Variants in SERPINA12 observed in about 807,000 individuals in gnomAD.
SERPINA12 encodes the protein serpin family A member 12.
In SERPINA12, 21 loss-of-function variants were observed where a neutral mutation model predicts 25.9. That is an observed-to-expected ratio of 0.81 (90% CI 0.58 to 1.17). The LOEUF (loss-of-function observed/expected upper bound fraction) is 1.17. Ranked by LOEUF, SERPINA12 falls within the 50% of genes most tolerant of loss-of-function variation. The pLI is 0.00. For missense variants in SERPINA12, 562 were observed against 508.3 expected (o/e 1.11, Z -1.02); for synonymous variants, 220 against 196.0 (o/e 1.12, Z -1.02).
chr14:94,496,342 A>G (rs1197731535), intron 3 of SERPINA12, 31 bp downstream of exon 3: 2 of 1,613,220 alleles, frequency 1.2e-6, no homozygotes, highest in Middle Eastern at 1.7e-4. Flanking sequence ...AAGAGAAGGA[A>G]AAAGCTGCGA....
intron 3 of SERPINA12, among the ~76,000 whole-genome samples, chr14:94,492,609 G>A (rs1250273378): frequency 6.6e-6 from 1 of 152,220 alleles, no homozygotes; most frequent in African/African-American, 2.4e-5. Context: ...AGTGAGGAGA[G>A]GATTTCTAGG....
In SERPINA12 at chr14:94,487,354, T is replaced by C; in HGVS notation, c.1194A>G (p.Lys398=). The C allele has an allele frequency of 6.2e-7, 1 of 1,614,136 alleles. No homozygotes were observed. The highest frequency in any genetic ancestry group is 8.5e-7 in the Non-Finnish European group (1 of 1,180,004). Residue 398 remains lysine, a synonymous_variant, in exon 5 of 5, where the codon AAA becomes AAG. Coordinates refer to ENST00000677451, the MANE Select transcript of SERPINA12 (RefSeq NM_001382267.1). ...TTCCCAGGAAGAGCACGGAAGGTAT[T>C]TTCTCGCTGTAAATCAGCAGCAGAT... The part of the protein sequence containing the change: ...KPYLLLIYSE[K]IPSVLFLGKI...
At chr14:94,515,487 G>T (rs1260206615) in intron 2 of SERPINA12, among the ~76,000 whole-genome samples, 1 of 152,166 alleles carries the variant, frequency 6.6e-6, no homozygotes, top group East Asian at 1.9e-4. Flanking sequence ...CCGTGGACGG[G>T]GAGGCCTGCC....
chr14:94,487,524 T>C (rs572100806), intron 4 of SERPINA12, 30 bp from the exon 5 acceptor site: 1 of 1,571,278 alleles, frequency 6.4e-7, no homozygotes, highest in South Asian at 1.2e-5. Context: ...AGTCAAGGTC[T>C]GCCAAGCTCC....
intron 1 of SERPINA12, among the ~76,000 whole-genome samples, chr14:94,508,647 T>C (rs1056184605): frequency 2.4e-4 from 36 of 152,234 alleles, no homozygotes; most frequent in Non-Finnish European, 1.5e-4. Context: ...ATATACCATC[T>C]TTTTGCAACG....
chr14:94,500,881 AT>A (rs1595695172), intron 1 of SERPINA12: 2 of 985,280 alleles, frequency 2.0e-6, no homozygotes, highest in Non-Finnish European at 2.4e-6. Flanking sequence ...GCAGATACAT[AT>A]TTTTTAAAAC....
intron 1 of SERPINA12, among the ~76,000 whole-genome samples, chr14:94,502,932 C>G: frequency 6.6e-6 from 1 of 152,196 alleles, no homozygotes; most frequent in East Asian, 1.9e-4. Flanking sequence ...TTCCTCAGAA[C>G]CTTTTCTGAG....
At chr14:94,506,048 C>T (rs544379557) in intron 1 of SERPINA12, among the ~76,000 whole-genome samples, 62 of 152,342 alleles carry the variant, frequency 4.1e-4, no homozygotes, top group African/African-American at 1.4e-3. Context: ...AGACTTGAGG[C>T]TGCCCCGACT....
At position 94,498,296 on chromosome 14, in the gene SERPINA12, G is replaced by T. The variant is rs201642706; in HGVS notation, c.102C>A (p.Ser34Arg). Residue 34 changes from serine to arginine, a missense_variant, in exon 2 of 5, where the codon AGC becomes AGA. Physicochemically the swap from Ser to Arg is moderately radical, Grantham distance 110. Transcript: ENST00000677451. ...SFSPRNYKAL[S>R]EVQGWKQRMA... ...TCCTTTGCTTCCATCCTTGGACCTC[G>T]CTCAAAGCTTTATAATTCCTTGGTG... The T allele has an allele frequency of 6.2e-7, 1 of 1,614,132 alleles. No homozygotes were observed. Among genetic ancestry groups the T allele is most frequent in the Non-Finnish European group, 8.5e-7 (1 of 1,180,026 alleles).
intron 3 of SERPINA12, among the ~76,000 whole-genome samples, chr14:94,492,854 A>C (rs1900235420): frequency 6.6e-6 from 1 of 152,224 alleles, no homozygotes; most frequent in Non-Finnish European, 1.5e-5. Context: ...CTAAAGGTGG[A>C]CCCTGGGAAA....
intron 4 of SERPINA12, 119 bp downstream of exon 4, chr14:94,489,500 GC>G (rs2139844255): frequency 8.5e-7 from 1 of 1,174,492 alleles, no homozygotes; most frequent in Non-Finnish European, 1.2e-6. Context: ...CTGCATTCAT[GC>G]CCGCCCCGAC....
intron 4 of SERPINA12, 127 bp from the exon 5 acceptor site, chr14:94,487,621 T>A: frequency 1.5e-6 from 1 of 662,946 alleles, no homozygotes; most frequent in Non-Finnish European, 2.5e-6. Flanking sequence ...AGTAACTTGG[T>A]TTACTCCAGG....
At position 94,498,391 on chromosome 14, in the gene SERPINA12, G is replaced by C. The variant is rs1167307298; in HGVS notation, c.7C>G (p.Pro3Ala). The C allele has an allele frequency of 2.7e-5, 44 of 1,612,414 alleles. No individual in the cohort carries two copies. The highest frequency in any genetic ancestry group is 3.7e-5 in the Non-Finnish European group (44 of 1,179,288). ...AGAAAAATGGCCAGGCCTAGTGTGG[G>C]GTTCATTTTCCTTGAAGAATATCCT... The part of the protein sequence containing the change: MN[P>A]TLGLAIFLAV... Residue 3 changes from proline (P) to alanine (A), a missense_variant, in exon 2 of 5, where the codon CCC becomes GCC. Transcript: ENST00000677451.
chr14:94,502,837 A>G lies in SERPINA12; in HGVS notation c.-33-4407T>C, dbSNP rs1274833660. 2.0e-5 allele frequency among the ~76,000 whole-genome samples: 3 copies of G among 152,278 alleles called. No homozygotes were observed. In the East Asian group the frequency reaches 5.8e-4, roughly 29 times the overall value. On this transcript the variant is annotated intron_variant, in intron 1 of 4. Transcript: ENST00000677451. ...TCCTCATCGGGGAGATGCTTCCTAC[A>G]CTTGGCTGCATGCACCAGACACCCC...
intron 2 of SERPINA12, among the ~76,000 whole-genome samples, 155 bp from the exon 3 acceptor site, chr14:94,496,798 A>G (rs561783906): frequency 1.3e-5 from 2 of 152,206 alleles, no homozygotes; most frequent in South Asian, 4.2e-4. Context: ...TGTCCTGGAG[A>G]TTTCTGATGA....
upstream of SERPINA12, chr14:94,510,323 A>G (rs766011926): frequency 3.2e-6 from 3 of 933,644 alleles, no homozygotes; most frequent in Non-Finnish European, 3.8e-6. Flanking sequence ...GAGCAGAACA[A>G]CAGAGGATAT....
intron 1 of SERPINA12, 78 bp from the exon 2 acceptor site, chr14:94,498,508 A>C: frequency 8.5e-7 from 1 of 1,175,670 alleles, no homozygotes. Flanking sequence ...TGAAAGAAGA[A>C]ATACAGTGAC....
At chr14:94,513,618 T>C (rs1484719625), upstream of SERPINA12, among the ~76,000 whole-genome samples, 1 of 152,196 alleles carries the variant, frequency 6.6e-6, no homozygotes, top group African/African-American at 2.4e-5. Context: ...AGGTGTGGTG[T>C]AAACCATAAC....
chr14:94,516,409 G>A (rs554994510), intron 1 of SERPINA12, among the ~76,000 whole-genome samples: 1 of 152,302 alleles, frequency 6.6e-6, no homozygotes, highest in East Asian at 1.9e-4. Context: ...ACTCGAGGAA[G>A]GGGCCGGTGT....
Sources: allele counts gnomAD v4.1 joint callset (sites outside exome capture counted in the v4.1 genomes callset), GRCh38; gene constraint gnomAD v4.1.1; transcripts MANE v1.5; gene names NCBI Gene and HGNC (gene_info 2026-07-23, HGNC 2026-07-21).